The following TRAPPC11 variants were observed in gnomAD, a reference collection of about 807,000 sequenced individuals.
The protein encoded by TRAPPC11 is foie gras homolog.
TRAPPC11 carries 104 observed loss-of-function variants against 151.2 expected under a neutral mutation model. The ratio of observed to expected loss-of-function variants is 0.69; its 90% CI spans 0.59 to 0.81. TRAPPC11 has a LOEUF of 0.81. Among genes scored for constraint, TRAPPC11 ranks in the 30% least tolerant of loss-of-function variants. The pLI is 0.00. For synonymous variants in TRAPPC11, 456 were observed against 472.3 expected, an observed-to-expected ratio of 0.97 and a Z score of 0.45; for missense variants, 1,230 against 1,349.6, an observed-to-expected ratio of 0.91 and a Z score of 1.39.
intron 1 of TRAPPC11, among the ~76,000 whole-genome samples, chr4:183,663,436 T>G (rs752254001): frequency 1.8e-4 from 28 of 152,264 alleles, no homozygotes; most frequent in Non-Finnish European, 3.5e-4. Context: ...GGTTTCACCG[T>G]GTTAGCCAGG....
intron 7 of TRAPPC11, chr4:183,675,619 G>A (rs1291932131): frequency 6.5e-6 from 1 of 153,404 alleles, no homozygotes; most frequent in African/African-American, 2.4e-5. Flanking sequence ...TTTTAAATGT[G>A]CCTCTTCACA....
intron 29 of TRAPPC11, 45 bp from the exon 30 acceptor site, chr4:183,712,555 T>G: frequency 1.9e-6 from 3 of 1,570,948 alleles, no homozygotes; most frequent in Non-Finnish European, 2.6e-6. Flanking sequence ...CTTTTGTTAT[T>G]ATATTATAAT....
At chr4:183,661,000 C>A (rs377762377) in intron 1 of TRAPPC11, among the ~76,000 whole-genome samples, 1 of 152,262 alleles carries the variant, frequency 6.6e-6, no homozygotes, top group African/African-American at 2.4e-5. Flanking sequence ...GCGTGAGCCG[C>A]TGTACCCAGC....
In TRAPPC11 at chr4:183,694,667, T is replaced by C. The variant is rs775076372; in HGVS notation, c.2572T>C (p.Ser858Pro). ...TTCCAGAATGTTTCTTGTATATGTTTCTTACCTGATAAATACAACCGTTGA... is the reference window on the plus strand; with the variant it reads ...TTCCAGAATGTTTCTTGTATATGTTCCTTACCTGATAAATACAACCGTTGA... ...VGSRMFLVYV[S>P]YLINTTVEEK... Residue 858 changes from serine to proline, a missense_variant, in exon 23 of 30, where the codon TCT (serine) becomes CCT (proline). By Grantham distance (74) the Ser-to-Pro change is moderately conservative. Coordinates refer to ENST00000334690, the MANE Select transcript of TRAPPC11 (RefSeq NM_021942.6). 1 of 1,610,466 alleles carries C rather than the reference T, an allele frequency of 6.2e-7. No homozygotes were observed. The highest frequency in any genetic ancestry group is 1.1e-5 in the South Asian group (1 of 89,658).
At chr4:183,680,398 T>A (rs1007252827) in intron 10 of TRAPPC11, 131 bp downstream of exon 10, 1 of 1,004,474 alleles carries the variant, frequency 1.0e-6, no homozygotes, top group Non-Finnish European at 1.4e-6. Flanking sequence ...TTTATAGCTT[T>A]AGGAATTACA....
intron 5 of TRAPPC11, among the ~76,000 whole-genome samples, chr4:183,672,129 T>C (rs543724781): frequency 6.6e-6 from 1 of 152,244 alleles, no homozygotes; most frequent in Non-Finnish European, 1.5e-5. Flanking sequence ...GTGTAAATTC[T>C]GTAATATAGT....
At chr4:183,693,552 T>C (rs563925398) in intron 20 of TRAPPC11, 37 bp from the exon 21 acceptor site, 2 of 1,570,316 alleles carry the variant, frequency 1.3e-6, no homozygotes, top group African/African-American at 1.4e-5. Flanking sequence ...TTTGCTTTTT[T>C]TTTGATCAGT....
intron 5 of TRAPPC11, among the ~76,000 whole-genome samples, chr4:183,672,004 A>T (rs886228457): frequency 6.6e-6 from 1 of 152,226 alleles, no homozygotes; most frequent in Non-Finnish European, 1.5e-5. Flanking sequence ...ATGTGTATGT[A>T]CGTGTGCATC....
intron 1 of TRAPPC11, among the ~76,000 whole-genome samples, chr4:183,662,656 A>G (rs1293717598): frequency 6.6e-6 from 1 of 152,202 alleles, no homozygotes; most frequent in Non-Finnish European, 1.5e-5. Context: ...ATTAAAGGCT[A>G]TTTTAATAAT....
At chr4:183,687,150 C>T (rs1367188466) in intron 18 of TRAPPC11, among the ~76,000 whole-genome samples, 5 of 152,092 alleles carry the variant, frequency 3.3e-5, no homozygotes, top group Non-Finnish European at 7.4e-5. Flanking sequence ...CACTGCACTC[C>T]AGCCTGGTGA....
chr4:183,697,656 C>T, intron 24 of TRAPPC11, 23 bp from the exon 25 acceptor site: 1 of 1,612,744 alleles, frequency 6.2e-7, no homozygotes, highest in South Asian at 1.1e-5. Context: ...TCCTGACAGA[C>T]CTTTTATCTT....
chr4:183,688,557 TAAAG>T (rs1438456483), intron 18 of TRAPPC11, among the ~76,000 whole-genome samples: 1 of 152,180 alleles, frequency 6.6e-6, no homozygotes, highest in Admixed American at 6.5e-5. Context: ...TGGATGGTGA[TAAAG>T]AAACGTTATC....
chr4:183,705,389 C>T (rs182404651), intron 27 of TRAPPC11, among the ~76,000 whole-genome samples: 5 of 152,176 alleles, frequency 3.3e-5, no homozygotes, highest in African/African-American at 9.6e-5. Context: ...CATCAAATTC[C>T]AATGTTGAAA....
At chr4:183,685,796 T>C (rs960004160) in intron 17 of TRAPPC11, among the ~76,000 whole-genome samples, 1 of 152,094 alleles carries the variant, frequency 6.6e-6, no homozygotes, top group African/African-American at 2.4e-5. Context: ...AGCTGTAATT[T>C]ATTTAAATTT....
At chr4:183,706,523 A>G (rs78740103) in intron 27 of TRAPPC11, among the ~76,000 whole-genome samples, 1 of 111,724 alleles carries the variant, frequency 9.0e-6, no homozygotes, top group African/African-American at 3.5e-5. Flanking sequence ...ACTCCGCCTC[A>G]AAAAAAAAAA....
intron 25 of TRAPPC11, among the ~76,000 whole-genome samples, chr4:183,699,252 T>G (rs1379961687): frequency 6.6e-6 from 1 of 152,180 alleles, no homozygotes; most frequent in Admixed American, 6.5e-5. Flanking sequence ...AACCTTCATC[T>G]TTTTCAACCT....
rs372968180 is a variant in TRAPPC11 at position 183,701,822 on chromosome 4, C to A, written c.2963+14C>A. On this transcript the variant is annotated intron_variant, in intron 26 of 29. Coordinates refer to ENST00000334690, the MANE Select transcript of TRAPPC11 (RefSeq NM_021942.6). ...CTCTTGGAAAAGGTAAGAATTATGTCAATCCTGTCTTTTCTTCAATGTCTC... is the reference window on the plus strand; with the variant it reads ...CTCTTGGAAAAGGTAAGAATTATGTAAATCCTGTCTTTTCTTCAATGTCTC... The A allele has an allele frequency of 6.7e-7, 1 of 1,490,046 alleles. No homozygotes were observed. Among genetic ancestry groups the A allele is most frequent in the South Asian group, 1.1e-5 (1 of 88,322 alleles). The allele number at this position is 1,490,046 out of a possible 1,614,324, so 92.3% of individuals were successfully genotyped here.
At chr4:183,680,581 A>G (rs968645152) in intron 10 of TRAPPC11, among the ~76,000 whole-genome samples, 3 of 151,522 alleles carry the variant, frequency 2.0e-5, no homozygotes, top group Non-Finnish European at 2.9e-5. Flanking sequence ...TTTTGTTTCT[A>G]TGATCACTGC....
At chr4:183,669,684 C>T (rs1489973456) in intron 5 of TRAPPC11, among the ~76,000 whole-genome samples, 1 of 152,094 alleles carries the variant, frequency 6.6e-6, no homozygotes, top group African/African-American at 2.4e-5. Context: ...TATTGGCTTC[C>T]AGTGGGTAGA....
Sources: gnomAD v4.1 joint callset for allele counts (sites outside exome capture counted in the v4.1 genomes callset) on GRCh38, gnomAD v4.1.1 for gene constraint, MANE v1.5 for transcripts, NCBI Gene and HGNC (gene_info 2026-07-23, HGNC 2026-07-21) for gene names.